The following SLC24A3 variants were observed in gnomAD, a reference collection of about 807,000 sequenced individuals.
SLC24A3 encodes the protein solute carrier family 24 member 3, also known as sodium/potassium/calcium exchanger 3.
SLC24A3 carries 28 observed loss-of-function variants against 75.8 expected under a neutral mutation model. The observed-to-expected ratio is 0.37, with a 90% CI of 0.27 to 0.51. The LOEUF (loss-of-function observed/expected upper bound fraction) is 0.51. SLC24A3 is among the 20% of genes least tolerant of loss of function. The pLI is 0.94. For synonymous variants in SLC24A3, 372 were observed against 334.1 expected, an observed-to-expected ratio of 1.11 and a Z score of -1.24; for missense variants, 663 against 847.8, an observed-to-expected ratio of 0.78 and a Z score of 2.71.
At chr20:19,656,980 C>T (rs2032274188) in intron 7 of SLC24A3, among the ~76,000 whole-genome samples, 1 of 152,158 alleles carries the variant, frequency 6.6e-6, no homozygotes, top group South Asian at 2.1e-4. Context: ...CTCACCCGAG[C>T]CTGGTCTTTG....
chr20:19,491,341 A>T (rs1384897717), intron 2 of SLC24A3, among the ~76,000 whole-genome samples: 2 of 152,320 alleles, frequency 1.3e-5, no homozygotes, highest in Admixed American at 1.3e-4. Flanking sequence ...GTCTGTAACT[A>T]ACCTCTTCAA....
At chr20:19,665,983 A>G in intron 8 of SLC24A3, 94 bp downstream of exon 8, 2 of 1,389,088 alleles carry the variant, frequency 1.4e-6, no homozygotes, top group Admixed American at 3.8e-5. Context: ...AAAGAAAGGG[A>G]AGTGTCATGA....
chr20:19,568,859 A>G (rs551667844), intron 3 of SLC24A3, among the ~76,000 whole-genome samples: 13 of 152,366 alleles, frequency 8.5e-5, no homozygotes, highest in Middle Eastern at 6.8e-3. Context: ...TCCAATATAT[A>G]CTGTGTATAT....
chr20:19,469,035 C>T (rs895212436), intron 2 of SLC24A3, among the ~76,000 whole-genome samples: 3 of 152,162 alleles, frequency 2.0e-5, no homozygotes, highest in East Asian at 1.9e-4. Context: ...GATGTCATGA[C>T]GTCGTTTATG....
intron 2 of SLC24A3, among the ~76,000 whole-genome samples, chr20:19,379,576 C>G (rs1185037941): frequency 6.6e-6 from 1 of 152,164 alleles, no homozygotes; most frequent in Non-Finnish European, 1.5e-5. Context: ...CCATGGTGAC[C>G]TGTGCTCACA....
chr20:19,669,422 A>C (rs1329026062), intron 8 of SLC24A3, among the ~76,000 whole-genome samples: 2 of 152,008 alleles, frequency 1.3e-5, no homozygotes, highest in Admixed American at 1.3e-4. Flanking sequence ...GAATAGCTTG[A>C]ACCCTGGCAG....
At chr20:19,514,832 A>C (rs2029952114) in intron 2 of SLC24A3, among the ~76,000 whole-genome samples, 1 of 152,160 alleles carries the variant, frequency 6.6e-6, no homozygotes, top group African/African-American at 2.4e-5. Flanking sequence ...TCCAGCCACA[A>C]ATGGAGGTCA....
chr20:19,322,303 T>C (rs887269219), intron 2 of SLC24A3, among the ~76,000 whole-genome samples: 1 of 152,110 alleles, frequency 6.6e-6, no homozygotes, highest in African/African-American at 2.4e-5. Context: ...TCTCTAAATA[T>C]ACCCCTCCCC....
intron 2 of SLC24A3, among the ~76,000 whole-genome samples, chr20:19,310,481 A>T (rs2122260023): frequency 6.6e-6 from 1 of 152,348 alleles, no homozygotes; most frequent in Middle Eastern, 3.4e-3. Context: ...GAGCTTGAGA[A>T]ATGAGAAGCT....
In SLC24A3 at chr20:19,661,222, T is replaced by G. The variant is rs1484593782; in HGVS notation, c.688-4642T>G. Among the ~76,000 whole-genome samples, 3 of 152,316 alleles carry G rather than the reference T, an allele frequency of 2.0e-5. No individual in the cohort carries two copies. The East Asian group carries it at 5.8e-4, about 29-fold the overall frequency. ...CTTTCCTGTAGCCTGCCTTCATATA[T>G]TTATACAACATGATCAGCTCGGCTA... is the stretch of plus-strand genomic sequence containing the variant. On this transcript the variant is annotated intron_variant, in intron 7 of 16. Transcript: ENST00000328041.
chr20:19,433,809 A>G (rs1987147847), intron 2 of SLC24A3, among the ~76,000 whole-genome samples: 1 of 152,186 alleles, frequency 6.6e-6, no homozygotes, highest in African/African-American at 2.4e-5. Context: ...TCTAGGCCCC[A>G]TGGTTTAAAA....
At chr20:19,436,213 A>G (rs1317768758) in intron 2 of SLC24A3, among the ~76,000 whole-genome samples, 1 of 152,172 alleles carries the variant, frequency 6.6e-6, no homozygotes, top group Non-Finnish European at 1.5e-5. Flanking sequence ...TCCTAGTTGC[A>G]CTGAGCCACT....
At chr20:19,656,995 A>G (rs1342080593) in intron 7 of SLC24A3, among the ~76,000 whole-genome samples, 1 of 152,224 alleles carries the variant, frequency 6.6e-6, no homozygotes, top group East Asian at 1.9e-4. Context: ...TCTTTGGGCA[A>G]AGCAATCATC....
At chr20:19,248,952 AG>A (rs1388667349) in intron 1 of SLC24A3, among the ~76,000 whole-genome samples, 1 of 151,098 alleles carries the variant, frequency 6.6e-6, no homozygotes, top group African/African-American at 2.4e-5. Flanking sequence ...ACATAGAAGC[AG>A]GGAACAGAAT....
At chr20:19,433,831 C>T (rs1368483252) in intron 2 of SLC24A3, among the ~76,000 whole-genome samples, 1 of 152,190 alleles carries the variant, frequency 6.6e-6, no homozygotes, top group Non-Finnish European at 1.5e-5. Context: ...GACTCACATT[C>T]TTCACATAAA....
intron 2 of SLC24A3, among the ~76,000 whole-genome samples, chr20:19,472,283 C>T (rs1987886978): frequency 6.6e-6 from 1 of 152,196 alleles, no homozygotes; most frequent in Non-Finnish European, 1.5e-5. Flanking sequence ...ATAAAAAATG[C>T]ATGGGTGGTC....
In SLC24A3 at chr20:19,665,829, G is replaced by C. The variant is rs1383529737; in HGVS notation, c.688-35G>C. ...TGTGTGTGTGTGTGTGTGTGTGTGT[G>C]TGTCTAATCTTCTATTCTTTTTATT... On this transcript the variant is annotated intron_variant, in intron 7 of 16. Transcript: ENST00000328041. 8 of 1,420,246 alleles carry C rather than the reference G, an allele frequency of 5.6e-6. No individual in the cohort carries two copies. In the South Asian group the frequency reaches 9.8e-5, roughly 17 times the overall value. The allele number at this position is 1,420,246 out of a possible 1,614,324, so 88.0% of individuals were successfully genotyped here.
intron 2 of SLC24A3, among the ~76,000 whole-genome samples, chr20:19,336,709 C>T (rs1985144645): frequency 7.8e-6 from 1 of 128,438 alleles, no homozygotes; most frequent in Non-Finnish European, 1.7e-5. Flanking sequence ...CACCCCCCAC[C>T]CCCTCCTGCC....
intron 3 of SLC24A3, among the ~76,000 whole-genome samples, chr20:19,523,700 A>G (rs2030145096): frequency 6.6e-6 from 1 of 152,208 alleles, no homozygotes; most frequent in African/African-American, 2.4e-5. Context: ...GCCATGGGAA[A>G]GCTGTTTTGC....
Sources: allele counts gnomAD v4.1 joint callset (sites outside exome capture counted in the v4.1 genomes callset), GRCh38; gene constraint gnomAD v4.1.1; transcripts MANE v1.5; gene names NCBI Gene and HGNC (gene_info 2026-07-23, HGNC 2026-07-21).